The following CARD8 variants were observed in gnomAD, a reference collection of about 807,000 sequenced individuals.
CARD8 encodes the protein caspase recruitment domain-containing protein 8.
In CARD8, 38 loss-of-function variants were observed where a neutral mutation model predicts 53.2. The ratio of observed to expected loss-of-function variants is 0.71; its 90% confidence interval spans 0.55 to 0.94. CARD8 has a LOEUF of 0.94. Ranked by LOEUF, CARD8 falls within the 40% of genes least tolerant of loss-of-function variation. The pLI is 0.00. For missense variants in CARD8, 561 were observed against 655.5 expected, an observed-to-expected ratio of 0.86 and a Z score of 1.57; for synonymous variants, 245 against 244.9, an observed-to-expected ratio of 1.00 and a Z score of 0.00.
At chr19:48,234,128 T>G (rs2043421799) in intron 6 of CARD8, 1 of 321,304 alleles carries the variant, frequency 3.1e-6, no homozygotes, top group African/African-American at 2.2e-5. Context: ...GTTGGTTTTA[T>G]GTATTGAGTA....
chr19:48,238,163 T>TTAC (rs1422985397), intron 5 of CARD8: 3 of 712,232 alleles, frequency 4.2e-6, no homozygotes, highest in Non-Finnish European at 6.3e-6. Context: ...TGTGCTGAGA[T>TTAC]TACAGGTGTG....
chr19:48,226,852 GA>G (rs771541922), intron 10 of CARD8, among the ~76,000 whole-genome samples: 208 of 152,210 alleles, frequency 1.4e-3, no homozygotes, highest in Non-Finnish European at 1.7e-3. Context: ...GAGGGGGGCA[GA>G]TCACTTGAGG....
At chr19:48,250,052 C>T (rs1231539730) in intron 1 of CARD8, among the ~76,000 whole-genome samples, 1 of 152,042 alleles carries the variant, frequency 6.6e-6, no homozygotes, top group African/African-American at 2.4e-5. Context: ...ATTTTTATAC[C>T]AATGTTTGTG....
intron 3 of CARD8, among the ~76,000 whole-genome samples, chr19:48,243,811 G>A (rs1050378430): frequency 2.0e-5 from 3 of 152,188 alleles, no homozygotes; most frequent in East Asian, 1.9e-4. Context: ...TGATGGCGCC[G>A]CTGCATTCCA....
chr19:48,221,690 C>T, intron 11 of CARD8, 40 bp downstream of exon 11: 1 of 1,432,414 alleles, frequency 7.0e-7, no homozygotes, highest in Non-Finnish European at 9.4e-7. Flanking sequence ...AAATATAAAA[C>T]ACTCTGAAAC....
Position 48,232,454 on chromosome 19 carries a change from T to A in CARD8, c.390A>T (p.Ser130=). 2.0e-6 allele frequency: 3 copies of A among 1,535,514 alleles called. No individual in the cohort carries two copies. Among genetic ancestry groups the A allele is most frequent in the Middle Eastern group, 1.7e-4 (1 of 5,988 alleles). Reference sequence around the variant, plus strand: ...CTCCTCTCCCTATTAGCCCATTACCTGAATCTTGTCCCTCTGAAGATTCCT... The same window carrying A: ...CTCCTCTCCCTATTAGCCCATTACCAGAATCTTGTCCCTCTGAAGATTCCT... ...EEQESSEGQD[S]GDICSEENQI... Residue 130 remains serine, a splice_region_variant and synonymous_variant, in exon 7 of 14, where the codon TCA becomes TCT. Transcript: ENST00000651546.
At chr19:48,234,217 A>G in intron 6 of CARD8, 186 bp downstream of exon 6, 1 of 583,614 alleles carries the variant, frequency 1.7e-6, no homozygotes, top group East Asian at 3.0e-5. Flanking sequence ...AGACACCTCC[A>G]TGGAAGAAAA....
At chr19:48,234,200 G>T in intron 6 of CARD8, 1 of 545,190 alleles carries the variant, frequency 1.8e-6, no homozygotes, top group Non-Finnish European at 3.2e-6. Context: ...TTGTGTATAG[G>T]TTCTCTAGAC....
chr19:48,232,067 G>A, intron 7 of CARD8: 1 of 579,294 alleles, frequency 1.7e-6, no homozygotes, highest in Non-Finnish European at 3.1e-6. Context: ...TTTGGTGGGA[G>A]GCACCATTTG....
At chr19:48,208,084 A>C (rs1420944733), downstream of CARD8, 1 of 151,144 alleles carries the variant, frequency 6.6e-6, no homozygotes, top group Non-Finnish European at 1.5e-5. Context: ...AACTTCTAAA[A>C]ATGTGTGCCT....
In CARD8 at chr19:48,232,348, C is replaced by T. The variant is rs921612396; in HGVS notation, c.391+105G>A. ...ACTGTGGCAAAGGTAAGGGAAAGCA[C>T]TCCTGATCTGCACAAAAGACTCTAA... On this transcript the variant is annotated intron_variant, in intron 7 of 13. Coordinates refer to ENST00000651546, the MANE Select transcript of CARD8 (RefSeq NM_001184900.3). 1.7e-5 allele frequency: 18 copies of T among 1,089,086 alleles called. No homozygotes were observed. In the East Asian group the frequency reaches 4.1e-4, roughly 25 times the overall value. The allele number at this position is 1,089,086 out of a possible 1,614,324, so 67.5% of individuals were successfully genotyped here.
chr19:48,223,315 A>AG lies in CARD8; in HGVS notation c.1036-1461_1036-1460insC, dbSNP rs1268283566. On this transcript the variant is annotated intron_variant, in intron 10 of 13. Coordinates refer to ENST00000651546, the MANE Select transcript of CARD8 (RefSeq NM_001184900.3). ...CAAGACTCTGTCTCAAAAAAAAAAA[A>AG]AGAAATAAAGAAATGTCAGCAGATC... is the stretch of plus-strand genomic sequence containing the variant. Among the ~76,000 whole-genome samples the AG allele has an allele frequency of 4.6e-5, 7 of 151,906 alleles. No homozygotes were observed. In the South Asian group the frequency reaches 8.3e-4, roughly 18 times the overall value.
intron 5 of CARD8, among the ~76,000 whole-genome samples, chr19:48,235,077 G>C (rs1449995844): frequency 1.3e-5 from 2 of 150,974 alleles, no homozygotes; most frequent in Non-Finnish European, 2.9e-5. Context: ...GTTGCATAAA[G>C]CAACAAAAAT....
At chr19:48,217,182 T>G (rs4389238) in intron 12 of CARD8, among the ~76,000 whole-genome samples, 6 of 152,078 alleles carry the variant, frequency 3.9e-5, no homozygotes, top group Non-Finnish European at 8.8e-5. Flanking sequence ...AAGCTTCGCC[T>G]GCTCACCGTC....
Position 48,216,202 on chromosome 19 carries a change from T to C in CARD8, c.1304-818A>G, listed in dbSNP as rs188434574. Among the ~76,000 whole-genome samples, 192 of 151,312 alleles carry C rather than the reference T, an allele frequency of 1.3e-3. 1 individual carries two copies. The highest frequency in any genetic ancestry group is 3.6e-3 in the Admixed American group (54 of 15,174). On this transcript the variant is annotated intron_variant, in intron 12 of 13. Transcript: ENST00000651546. The stretch of plus-strand genomic sequence containing the variant: ...CTTTTTTAAATAAAAAAGTAAACAA[T>C]GTAAAAATATTCTGATGTTTACAGA...
chr19:48,249,920 AAAC>A (rs1192818062), intron 1 of CARD8, 73 bp from the exon 2 acceptor site: 3 of 152,372 alleles, frequency 2.0e-5, no homozygotes, highest in East Asian at 3.9e-4. Flanking sequence ...GTTGAAAACA[AAAC>A]AAAACCCTCA....
rs150399689 is a variant in CARD8 at position 48,238,382 on chromosome 19, C to T, written c.209+1G>A. On this transcript the variant is annotated splice_donor_variant, in intron 5 of 13. Transcript: ENST00000651546. LOFTEE classifies it high-confidence loss of function. ...TTTCCCAACAAATAGATGTCCCTTA[C>T]GTATCATTTGTCACACAGGCCTCAG... is the stretch of plus-strand genomic sequence containing the variant. 51 of 1,535,808 alleles carry T rather than the reference C, an allele frequency of 3.3e-5. No homozygotes were observed. The East Asian group carries it at 4.2e-4, about 13-fold the overall frequency.
downstream of CARD8, among the ~76,000 whole-genome samples, chr19:48,206,891 G>T (rs1206218827): frequency 6.6e-6 from 1 of 152,172 alleles, no homozygotes; most frequent in African/African-American, 2.4e-5. Context: ...CAGCCCTGAT[G>T]TGTGGGGTGA....
In CARD8 at chr19:48,237,751, C is replaced by A. The variant is rs900623639; in HGVS notation, c.209+632G>T. Among the ~76,000 whole-genome samples the A allele has an allele frequency of 2.6e-5, 4 of 151,118 alleles. No homozygotes were observed. In the East Asian group the frequency reaches 7.9e-4, roughly 30 times the overall value. ...AGCAGAGGTTGTAGTGAGCCAAGAT[C>A]GTGCCACTGCACTCCAGCCTGGGCA... On this transcript the variant is annotated intron_variant, in intron 5 of 13. Coordinates refer to ENST00000651546, the MANE Select transcript of CARD8 (RefSeq NM_001184900.3).
Sources: allele counts gnomAD v4.1 joint callset (sites outside exome capture counted in the v4.1 genomes callset), GRCh38; gene constraint gnomAD v4.1.1; transcripts MANE v1.5; gene names NCBI Gene and HGNC (gene_info 2026-07-23, HGNC 2026-07-21).